The following FUBP3 variants were observed in gnomAD, a reference collection of about 807,000 sequenced individuals.
FUBP3 encodes far upstream element-binding protein 3.
FUBP3 carries 28 observed loss-of-function variants against 85.6 expected under a neutral mutation model. That is an observed-to-expected ratio of 0.33 (90% CI 0.24 to 0.45). The LOEUF (loss-of-function observed/expected upper bound fraction) is 0.45, where lower values mean the gene tolerates loss of function less well. Ranked by LOEUF, FUBP3 falls within the 20% of genes least tolerant of loss-of-function variation. FUBP3 has a pLI of 1.00. For synonymous variants in FUBP3, 271 were observed against 271.4 expected (o/e 1.00, Z 0.01); for missense variants, 583 against 755.1 (o/e 0.77, Z 2.67).
chr9:130,614,746 C>T (rs1361269182), intron 6 of FUBP3, among the ~76,000 whole-genome samples: 1 of 152,184 alleles, frequency 6.6e-6, no homozygotes, highest in Non-Finnish European at 1.5e-5. Flanking sequence ...GGAGGCTGAT[C>T]CCGTTACCCT....
chr9:130,637,392 C>CT lies in FUBP3; in HGVS notation c.*372dup, dbSNP rs1182196961. 8.8e-6 allele frequency: 2 copies of CT among 228,174 alleles called. No individual in the cohort carries two copies. The highest frequency in any genetic ancestry group is 2.0e-4 in the East Asian group (2 of 9,808). 14.1% of individuals were successfully genotyped at this position (228,174 alleles called of 1,614,324 possible). On this transcript the variant is annotated 3_prime_UTR_variant, in exon 19 of 19. Transcript: ENST00000319725. ...TTTTTTCTGTTGCAACAGAAAGTGG[C>CT]TTGGAAGTCTTAGGTGGTATGTAAC... is the stretch of plus-strand genomic sequence containing the variant.
At chr9:130,632,517 G>T (rs1830256002) in intron 16 of FUBP3, among the ~76,000 whole-genome samples, 2 of 152,220 alleles carry the variant, frequency 1.3e-5, no homozygotes, top group Admixed American at 6.5e-5. Context: ...GGGGACTCTG[G>T]GCTGGCCCTC....
In FUBP3 at chr9:130,591,969, C is replaced by T. The variant is rs1023498529; in HGVS notation, c.85-3514C>T. On this transcript the variant is annotated intron_variant, in intron 1 of 18. Transcript: ENST00000319725. ...GAAAAGGGCCAGGCGCAGTGGCTTA[C>T]GCCTGTAATCTCAGCACTTTGGGAG... 6.6e-5 allele frequency among the ~76,000 whole-genome samples: 10 copies of T among 152,322 alleles called. No individual in the cohort carries two copies. In the East Asian group the frequency reaches 1.7e-3, roughly 26 times the overall value.
At chr9:130,603,828 C>G (rs1003096447) in intron 2 of FUBP3, among the ~76,000 whole-genome samples, 3 of 152,128 alleles carry the variant, frequency 2.0e-5, no homozygotes, top group African/African-American at 7.2e-5. Flanking sequence ...TAGAACCTCT[C>G]TCGAATACAG....
chr9:130,579,606 C>A lies in FUBP3; in HGVS notation c.-75C>A, dbSNP rs1201778277. On this transcript the variant is annotated 5_prime_UTR_variant, in exon 1 of 19. Transcript: ENST00000319725. ...TCCGGCTACGGGTCCCCAAGCGGAG[C>A]GGGAGGCCGGACCGGGGAGCCGAGC... 2 of 926,236 alleles carry A rather than the reference C, an allele frequency of 2.2e-6. No homozygotes were observed. The highest frequency in any genetic ancestry group is 3.4e-5 in the East Asian group (1 of 29,114). The allele number at this position is 926,236 out of a possible 1,614,324, so 57.4% of individuals were successfully genotyped here.
chr9:130,596,694 G>A, intron 2 of FUBP3: 2 of 446,360 alleles, frequency 4.5e-6, no homozygotes, highest in South Asian at 3.3e-5. Context: ...TCATAGACTT[G>A]TTTGCAAATC....
At chr9:130,617,096 A>C (rs1319392722) in intron 7 of FUBP3, among the ~76,000 whole-genome samples, 1 of 152,226 alleles carries the variant, frequency 6.6e-6, no homozygotes, top group Non-Finnish European at 1.5e-5. Context: ...GGGTTTCAGA[A>C]TTTAACACTC....
intron 6 of FUBP3, 58 bp downstream of exon 6, chr9:130,614,403 A>AAGGAG: frequency 2.8e-6 from 3 of 1,061,604 alleles, no homozygotes; most frequent in Non-Finnish European, 2.9e-6. Flanking sequence ...CCAAATGGGG[A>AAGGAG]GAAATGGAAG....
At chr9:130,618,742 G>C (rs1173302644) in intron 8 of FUBP3, among the ~76,000 whole-genome samples, 2 of 152,196 alleles carry the variant, frequency 1.3e-5, no homozygotes. Flanking sequence ...TGGGAAGAAT[G>C]GGTCTTCTCT....
In FUBP3 at chr9:130,635,776, G is replaced by A. The variant is rs578138371; in HGVS notation, c.1583-223G>A. The A allele has an allele frequency of 1.4e-5, 7 of 512,634 alleles. No homozygotes were observed. Among genetic ancestry groups the A allele is most frequent in the Non-Finnish European group, 2.4e-5 (7 of 288,872 alleles). 31.8% of individuals were successfully genotyped at this position (512,634 alleles called of 1,614,324 possible). A position where few individuals can be genotyped will look rare whatever the true frequency, so the allele number is the denominator to read the frequency against. ...GCGCTTCCGCAGAGAGAAGGCAGGCGTGAGGATTGGTCTTCACAGGCATAG... is the reference window on the plus strand; with the variant it reads ...GCGCTTCCGCAGAGAGAAGGCAGGCATGAGGATTGGTCTTCACAGGCATAG... On this transcript the variant is annotated intron_variant, in intron 17 of 18. Coordinates refer to ENST00000319725, the MANE Select transcript of FUBP3 (RefSeq NM_003934.2). This position sits in a 1 kb window ranked among gnomAD's most constrained non-coding sequence, Gnocchi z 4.3.
chr9:130,607,123 C>G (rs1411598084), intron 2 of FUBP3, among the ~76,000 whole-genome samples: 1 of 149,962 alleles, frequency 6.7e-6, no homozygotes, highest in African/African-American at 2.5e-5. Flanking sequence ...CCACCACACC[C>G]AGCTAATTTG....
At chr9:130,620,095 G>A (rs557882463) in intron 8 of FUBP3, among the ~76,000 whole-genome samples, 3 of 152,244 alleles carry the variant, frequency 2.0e-5, no homozygotes, top group South Asian at 2.1e-4. Flanking sequence ...CTGACCACAC[G>A]CAGATGTGCT....
At chr9:130,589,353 A>T (rs1371131971) in intron 1 of FUBP3, among the ~76,000 whole-genome samples, 2 of 150,180 alleles carry the variant, frequency 1.3e-5, no homozygotes, top group East Asian at 4.1e-4. Context: ...TTATTTATTT[A>T]TTTATTTTGA....
chr9:130,583,342 A>T (rs1830211184), intron 1 of FUBP3, among the ~76,000 whole-genome samples: 1 of 152,220 alleles, frequency 6.6e-6, no homozygotes, highest in Admixed American at 6.5e-5. Context: ...ATGCTTTAAG[A>T]TTCTGACTTC....
At chr9:130,614,681 A>G (rs1246103059) in intron 6 of FUBP3, among the ~76,000 whole-genome samples, 1 of 152,216 alleles carries the variant, frequency 6.6e-6, no homozygotes, top group Non-Finnish European at 1.5e-5. Context: ...GGTCTGGATT[A>G]GTAAGCCAGT....
intron 6 of FUBP3, among the ~76,000 whole-genome samples, chr9:130,615,581 G>C (rs1257002436): frequency 6.6e-6 from 1 of 152,216 alleles, no homozygotes; most frequent in Non-Finnish European, 1.5e-5. Flanking sequence ...TGCAGAAAAG[G>C]AAATTGGCAC....
chr9:130,613,965 G>A (rs942363646), intron 5 of FUBP3, among the ~76,000 whole-genome samples: 3 of 152,218 alleles, frequency 2.0e-5, no homozygotes, highest in Non-Finnish European at 4.4e-5. Context: ...GAGAAACTGA[G>A]GAATAGCACG....
chr9:130,597,048 C>T (rs1172207890), intron 2 of FUBP3, among the ~76,000 whole-genome samples: 1 of 151,652 alleles, frequency 6.6e-6, no homozygotes, highest in Non-Finnish European at 1.5e-5. Context: ...CCCTTAGCCC[C>T]CTACTACCCT....
At chr9:130,588,266 C>T (rs2119009697) in intron 1 of FUBP3, among the ~76,000 whole-genome samples, 1 of 152,284 alleles carries the variant, frequency 6.6e-6, no homozygotes, top group East Asian at 1.9e-4. Context: ...TATTTAACTT[C>T]TTTCAGTCTT....
Sources: allele counts gnomAD v4.1 joint callset (sites outside exome capture counted in the v4.1 genomes callset), GRCh38; gene constraint gnomAD v4.1.1; non-coding constraint Gnocchi (gnomAD v3.1); transcripts MANE v1.5; gene names NCBI Gene and HGNC (gene_info 2026-07-23, HGNC 2026-07-21).